The following TAF3 variants were observed in gnomAD, a reference collection of about 807,000 sequenced individuals.
TAF3 encodes transcription initiation factor TFIID subunit 3.
A neutral mutation model predicts 80.6 loss-of-function variants in TAF3; 7 were observed. The ratio of observed to expected loss-of-function variants is 0.09; its 90% confidence interval spans 0.05 to 0.16. The LOEUF is 0.16. TAF3 is among the 10% of genes least tolerant of loss of function. The pLI is 1.00. For synonymous variants in TAF3, 444 were observed against 446.1 expected, an observed-to-expected ratio of 1.00 and a Z score of 0.06; for missense variants, 921 against 1,140.2, an observed-to-expected ratio of 0.81 and a Z score of 2.77.
intron 2 of TAF3, among the ~76,000 whole-genome samples, chr10:7,872,019 A>C (rs1373831803): frequency 2.0e-5 from 3 of 152,180 alleles, no homozygotes; most frequent in Admixed American, 6.5e-5. Context: ...TTCACATGTC[A>C]AGTTAAATAT....
chr10:7,852,353 G>A (rs58492448), intron 2 of TAF3, among the ~76,000 whole-genome samples: 18 of 152,198 alleles, frequency 1.2e-4, no homozygotes, highest in Middle Eastern at 3.4e-3. Context: ...TTTTGAATTA[G>A]GGTCCAAATA....
chr10:7,973,191 T>G (rs903967886), intron 3 of TAF3, among the ~76,000 whole-genome samples: 1 of 152,206 alleles, frequency 6.6e-6, no homozygotes, highest in Non-Finnish European at 1.5e-5. Flanking sequence ...GTTCACCAAG[T>G]GCTATACAAG....
chr10:7,974,799 G>A (rs980431643), intron 3 of TAF3, among the ~76,000 whole-genome samples: 1 of 152,116 alleles, frequency 6.6e-6, no homozygotes, highest in Admixed American at 6.5e-5. Context: ...ATGAAGGCCG[G>A]GCACAGTGGC....
intron 2 of TAF3, among the ~76,000 whole-genome samples, chr10:7,888,501 G>A (rs1197291879): frequency 7.6e-6 from 1 of 131,514 alleles, no homozygotes; most frequent in East Asian, 2.3e-4. Flanking sequence ...ACAGGCATGA[G>A]ATCTTCTAAA....
chr10:7,851,197 G>A (rs1837023684), intron 2 of TAF3, among the ~76,000 whole-genome samples: 2 of 152,234 alleles, frequency 1.3e-5, no homozygotes, highest in Non-Finnish European at 2.9e-5. Context: ...ATGCTAGTCA[G>A]GGGAACTAGT....
intron 5 of TAF3, among the ~76,000 whole-genome samples, chr10:8,011,664 G>A (rs1244730927): frequency 1.3e-5 from 2 of 152,208 alleles, no homozygotes; most frequent in South Asian, 2.1e-4. Context: ...ATCATTGTAG[G>A]TGTTTAATTA....
At chr10:7,918,183 G>T (rs1837729910) in intron 2 of TAF3, among the ~76,000 whole-genome samples, 1 of 152,192 alleles carries the variant, frequency 6.6e-6, no homozygotes, top group South Asian at 2.1e-4. Flanking sequence ...CGTAAAACAA[G>T]AAACAGTTAA....
intron 2 of TAF3, among the ~76,000 whole-genome samples, chr10:7,960,332 T>C (rs564237786): frequency 1.3e-5 from 2 of 152,316 alleles, no homozygotes; most frequent in East Asian, 3.9e-4. Flanking sequence ...AAAGTTTAGA[T>C]GAGCTGAATG....
At chr10:7,979,031 G>A (rs1432052678) in intron 4 of TAF3, among the ~76,000 whole-genome samples, 1 of 152,018 alleles carries the variant, frequency 6.6e-6, no homozygotes, top group Non-Finnish European at 1.5e-5. Flanking sequence ...AACAGAGCCA[G>A]ATCCTGTCTC....
chr10:7,958,840 G>A (rs894004215), intron 2 of TAF3, among the ~76,000 whole-genome samples: 2 of 152,110 alleles, frequency 1.3e-5, no homozygotes, highest in African/African-American at 4.8e-5. Context: ...CTTATTAAAA[G>A]TTTTAGGCTT....
chr10:7,946,198 C>G (rs189823687), intron 2 of TAF3, among the ~76,000 whole-genome samples: 224 of 152,310 alleles, frequency 1.5e-3, no homozygotes, highest in African/African-American at 5.1e-3. Context: ...AAAATTCACA[C>G]TCTTTCCCAT....
intron 4 of TAF3, among the ~76,000 whole-genome samples, chr10:7,978,221 T>G (rs1039652905): frequency 2.0e-5 from 3 of 152,230 alleles, no homozygotes; most frequent in African/African-American, 7.2e-5. Flanking sequence ...CATTCAATTT[T>G]TAGCCATAAA....
chr10:7,988,136 C>T (rs1301159375), intron 4 of TAF3, among the ~76,000 whole-genome samples: 1 of 151,920 alleles, frequency 6.6e-6, no homozygotes, highest in African/African-American at 2.4e-5. Context: ...TTTTTAAGGC[C>T]AATATATTTG....
At position 7,914,919 on chromosome 10, in the gene TAF3, C is replaced by T. The variant is rs542690411; in HGVS notation, c.410-49001C>T. ...CCACACCTCATGCCCCTGAAAGCCT[C>T]GGTGCTCCCAGCCTTTTTTTTTTTT... is the stretch of plus-strand genomic sequence containing the variant. On this transcript the variant is annotated intron_variant, in intron 2 of 6. Coordinates refer to ENST00000344293, the MANE Select transcript of TAF3 (RefSeq NM_031923.4). 4.0e-3 allele frequency among the ~76,000 whole-genome samples: 577 copies of T among 145,646 alleles called. 4 individuals are homozygous for T. The highest frequency in any genetic ancestry group is 0.014 in the African/African-American group (540 of 39,802).
intron 2 of TAF3, among the ~76,000 whole-genome samples, chr10:7,886,475 C>G (rs144279452): frequency 2.0e-5 from 3 of 152,166 alleles, no homozygotes; most frequent in Non-Finnish European, 4.4e-5. Flanking sequence ...TATATAATAA[C>G]CAAAGAAAAG....
At chr10:7,993,773 A>C (rs905371942) in intron 4 of TAF3, among the ~76,000 whole-genome samples, 1 of 151,950 alleles carries the variant, frequency 6.6e-6, no homozygotes, top group Non-Finnish European at 1.5e-5. Flanking sequence ...ATTATTTTTT[A>C]ATCTAGTCAT....
At chr10:7,883,383 G>T (rs1165543202) in intron 2 of TAF3, among the ~76,000 whole-genome samples, 2 of 152,194 alleles carry the variant, frequency 1.3e-5, no homozygotes, top group Admixed American at 6.5e-5. Context: ...ACCGTAGACG[G>T]TGGTGTGTTC....
chr10:7,956,755 A>T (rs1214842535), intron 2 of TAF3, among the ~76,000 whole-genome samples: 3 of 152,228 alleles, frequency 2.0e-5, no homozygotes, highest in African/African-American at 7.2e-5. Context: ...AACATTTGGC[A>T]GAATGAGGAG....
rs538289844 is a variant in TAF3 at position 7,879,455 on chromosome 10, C to T, written c.409+54895C>T. Among the ~76,000 whole-genome samples, 4 of 152,264 alleles carry T rather than the reference C, an allele frequency of 2.6e-5. No individual in the cohort carries two copies. The East Asian group carries it at 7.7e-4, about 29-fold the overall frequency. ...CATGAAATGAAATAATGACACCCAC[C>T]CTCATCTTTGTACAAGATTAAAAGG... On this transcript the variant is annotated intron_variant, in intron 2 of 6. Coordinates refer to ENST00000344293, the MANE Select transcript of TAF3 (RefSeq NM_031923.4).
Sources: gnomAD v4.1 joint callset for allele counts (sites outside exome capture counted in the v4.1 genomes callset) on GRCh38, gnomAD v4.1.1 for gene constraint, MANE v1.5 for transcripts, NCBI Gene and HGNC (gene_info 2026-07-23, HGNC 2026-07-21) for gene names.